Variants in CD96 observed in about 807,000 individuals in gnomAD.
CD96 encodes CD96 molecule.
CD96 carries 70 observed loss-of-function variants against 71.3 expected under a neutral mutation model. That is an observed-to-expected ratio of 0.98 (90% CI 0.81 to 1.20). The LOEUF is 1.20. Ranked by LOEUF, CD96 falls within the 50% of genes most tolerant of loss-of-function variation. CD96 has a pLI of 0.00. For missense variants in CD96, 742 were observed against 677.5 expected (o/e 1.10, Z -1.06); for synonymous variants, 248 against 233.0 (o/e 1.06, Z -0.59).
At chr3:111,609,946 G>T (rs1937826478) in intron 8 of CD96, among the ~76,000 whole-genome samples, 1 of 152,170 alleles carries the variant, frequency 6.6e-6, no homozygotes, top group African/African-American at 2.4e-5. Context: ...GTGTATAGAG[G>T]CCTGGGATGC....
chr3:111,662,408 C>A (rs140308722), intron 14 of CD96, among the ~76,000 whole-genome samples: 3 of 152,168 alleles, frequency 2.0e-5, no homozygotes, highest in African/African-American at 7.2e-5. Context: ...CCTCGAAAGT[C>A]CCCCCAGAAA....
intron 1 of CD96, among the ~76,000 whole-genome samples, chr3:111,543,771 G>A (rs1289237920): frequency 1.3e-5 from 2 of 152,084 alleles, no homozygotes; most frequent in African/African-American, 2.4e-5. Context: ...TGTAACTCCT[G>A]TTTTACCTTA....
chr3:111,639,286 G>A (rs375705238), intron 12 of CD96, among the ~76,000 whole-genome samples: 3 of 152,156 alleles, frequency 2.0e-5, no homozygotes, highest in East Asian at 3.9e-4. Context: ...TTGGCGGGGT[G>A]GGGGGCATGG....
At chr3:111,544,077 T>C (rs1352674705) in intron 1 of CD96, among the ~76,000 whole-genome samples, 1 of 152,202 alleles carries the variant, frequency 6.6e-6, no homozygotes, top group South Asian at 2.1e-4. Context: ...ATGAGGGTTA[T>C]AGAAAGACCA....
intron 5 of CD96, among the ~76,000 whole-genome samples, chr3:111,587,653 G>T (rs942577107): frequency 1.3e-5 from 2 of 152,156 alleles, no homozygotes; most frequent in African/African-American, 4.8e-5. Context: ...CTCCATGAGG[G>T]CCCCGCCTGC....
chr3:111,663,144 A>G (rs747010838), intron 14 of CD96, among the ~76,000 whole-genome samples: 17 of 152,204 alleles, frequency 1.1e-4, no homozygotes, highest in Non-Finnish European at 1.8e-4. Context: ...AGGAAGTCCT[A>G]CACCCTTTCA....
chr3:111,620,743 T>C (rs917501446), intron 8 of CD96, among the ~76,000 whole-genome samples: 4 of 152,160 alleles, frequency 2.6e-5, no homozygotes, highest in African/African-American at 9.7e-5. Context: ...CACAGCACTG[T>C]GTGTGAGAAG....
chr3:111,643,293 T>G lies in CD96; in HGVS notation c.1478-4250T>G, dbSNP rs559354946. Among the ~76,000 whole-genome samples, 5 of 152,114 alleles carry G rather than the reference T, an allele frequency of 3.3e-5. No homozygotes were observed. In the South Asian group the frequency reaches 1.0e-3, roughly 32 times the overall value. On this transcript the variant is annotated intron_variant, in intron 12 of 13. Coordinates refer to ENST00000352690, the MANE Select transcript of CD96 (RefSeq NM_005816.5). ...ACAAAATCCAACATCCCTTTATGATTAAAACTCAGCAAAATTGGCACACAA... is the reference window on the plus strand; with the variant it reads ...ACAAAATCCAACATCCCTTTATGATGAAAACTCAGCAAAATTGGCACACAA...
At chr3:111,632,846 A>G (rs145897701) in intron 10 of CD96, among the ~76,000 whole-genome samples, 1 of 152,326 alleles carries the variant, frequency 6.6e-6, no homozygotes, top group African/African-American at 2.4e-5. Context: ...GGAATCTGTT[A>G]TTTTCAGCAA....
intron 8 of CD96, among the ~76,000 whole-genome samples, chr3:111,611,593 A>G (rs1204535707): frequency 2.0e-5 from 3 of 152,108 alleles, no homozygotes; most frequent in African/African-American, 7.2e-5. Flanking sequence ...TTGCTGTCCA[A>G]TAGTTTCTGC....
intron 4 of CD96, 21 bp downstream of exon 4, chr3:111,579,255 G>C (rs747384556): frequency 4.6e-6 from 6 of 1,306,822 alleles, no homozygotes; most frequent in Non-Finnish European, 6.7e-6. Context: ...TTGTTCTACA[G>C]ACTCACTGGC....
chr3:111,604,112 G>A (rs1937560346), intron 7 of CD96, among the ~76,000 whole-genome samples: 1 of 152,112 alleles, frequency 6.6e-6, no homozygotes, highest in African/African-American at 2.4e-5. Context: ...AGCAAGCCCT[G>A]GGATTTGGCT....
chr3:111,665,377 C>T (rs1175677824), intron 14 of CD96: 2 of 152,116 alleles, frequency 1.3e-5, no homozygotes, highest in Non-Finnish European at 2.9e-5. Flanking sequence ...ATGACAAAAT[C>T]CAAAATGCTG....
chr3:111,598,033 T>G, intron 5 of CD96, 87 bp from the exon 6 acceptor site: 1 of 675,980 alleles, frequency 1.5e-6, no homozygotes, highest in South Asian at 1.6e-5. Context: ...AACTCTTTTT[T>G]GCCAACTTAT....
chr3:111,628,726 T>C (rs1938909030), intron 10 of CD96, among the ~76,000 whole-genome samples: 2 of 151,642 alleles, frequency 1.3e-5, no homozygotes, highest in South Asian at 4.2e-4. Flanking sequence ...TTCTCCAAGG[T>C]CAAAATGAAA....
At chr3:111,556,779 C>T (rs1400391921) in intron 2 of CD96, among the ~76,000 whole-genome samples, 1 of 151,972 alleles carries the variant, frequency 6.6e-6, no homozygotes. Flanking sequence ...GGAATCACCA[C>T]ACTGACTTCC....
intron 8 of CD96, among the ~76,000 whole-genome samples, chr3:111,617,990 G>A (rs1192184213): frequency 6.6e-6 from 1 of 152,246 alleles, no homozygotes; most frequent in East Asian, 1.9e-4. Flanking sequence ...AGTGCCTGCA[G>A]CAGAAACTGC....
At chr3:111,585,110 C>A (rs555867985) in intron 4 of CD96, among the ~76,000 whole-genome samples, 72 of 152,236 alleles carry the variant, frequency 4.7e-4, no homozygotes, top group African/African-American at 1.6e-3. Flanking sequence ...TTCTTAAGAA[C>A]AGTGAATATT....
chr3:111,614,449 G>A (rs904594168), intron 8 of CD96, among the ~76,000 whole-genome samples: 6 of 152,168 alleles, frequency 3.9e-5, no homozygotes, highest in Non-Finnish European at 5.9e-5. Context: ...ACTTCATGGG[G>A]CACTCTGGCA....
Sources: gnomAD v4.1 joint callset for allele counts (sites outside exome capture counted in the v4.1 genomes callset) on GRCh38, gnomAD v4.1.1 for gene constraint, MANE v1.5 for transcripts, NCBI Gene and HGNC (gene_info 2026-07-23, HGNC 2026-07-21) for gene names.